The following PPARD variants were observed in gnomAD, a reference collection of about 807,000 sequenced individuals.
PPARD encodes the protein peroxisome proliferator-activated receptor delta.
In PPARD, 6 loss-of-function variants were observed where a neutral mutation model predicts 39.5. The ratio of observed to expected loss-of-function variants is 0.15; its 90% CI spans 0.08 to 0.30. PPARD has a LOEUF of 0.30. PPARD is among the 10% of genes least tolerant of loss of function. The pLI, the probability that PPARD is intolerant of heterozygous loss-of-function variation, is 1.00. For missense variants in PPARD, 397 were observed against 596.8 expected (o/e 0.67, Z 3.49); for synonymous variants, 210 against 231.3 (o/e 0.91, Z 0.83).
At position 35,352,386 on chromosome 6, in the gene PPARD, A is replaced by G. The variant is rs144800177; in HGVS notation, c.-102+5236A>G. The stretch of plus-strand genomic sequence containing the variant: ...TTTTTAGTAGAGATGGGGTTTCACC[A>G]TATTGGTCAGGCCGGTCTCGAACTC... On this transcript the variant is annotated intron_variant, in intron 2 of 7. Coordinates refer to ENST00000360694, the MANE Select transcript of PPARD (RefSeq NM_006238.5). 6.5e-4 allele frequency among the ~76,000 whole-genome samples: 99 copies of G among 151,594 alleles called. No homozygotes were observed. The East Asian group carries it at 0.015, about 23-fold the overall frequency.
intron 1 of PPARD, 35 bp from the exon 2 acceptor site, chr6:35,347,032 C>G: frequency 7.2e-7 from 1 of 1,383,932 alleles, no homozygotes; most frequent in Non-Finnish European, 9.8e-7. Context: ...TGGCACCTGT[C>G]AGCTAAAGCT....
rs71002557 is a variant in PPARD at position 35,380,476 on chromosome 6, G to GTTTTTTTTTTTTTTT, written c.-101-30495_-101-30481dup. Among the ~76,000 whole-genome samples, 211 of 67,132 alleles carry GTTTTTTTTTTTTTTT rather than the reference G, an allele frequency of 3.1e-3. 1 individual carries two copies. The highest frequency in any genetic ancestry group is 6.5e-3 in the East Asian group (12 of 1,850). The allele number at this position is 67,132 out of a possible 152,430, so 44.0% of individuals were successfully genotyped here. ...AACCTCGTGTTTTTTTTTTTTGTTT[G>GTTTTTTTTTTTTTTT]TTTTTTTTTTTTTTTTTTTTTTTTT... On this transcript the variant is annotated intron_variant, in intron 2 of 7. Coordinates refer to ENST00000360694, the MANE Select transcript of PPARD (RefSeq NM_006238.5).
chr6:35,426,226 C>A lies in PPARD; in HGVS notation c.*147C>A. 1 of 1,074,234 alleles carries A rather than the reference C, an allele frequency of 9.3e-7. No individual in the cohort carries two copies. Among genetic ancestry groups the A allele is most frequent in the Non-Finnish European group, 1.3e-6 (1 of 764,806 alleles). The allele number at this position is 1,074,234 out of a possible 1,614,324, so 66.5% of individuals were successfully genotyped here. Reference sequence around the variant, plus strand: ...GCCCTCAGACACATGACACCCACGGCCTCTGGCTCCCTGTGCCCTCTCTCC... The same window carrying A: ...GCCCTCAGACACATGACACCCACGGACTCTGGCTCCCTGTGCCCTCTCTCC... On this transcript the variant is annotated 3_prime_UTR_variant, in exon 8 of 8. Coordinates refer to ENST00000360694, the MANE Select transcript of PPARD (RefSeq NM_006238.5).
At chr6:35,419,982 G>A in intron 3 of PPARD, 145 bp from the exon 4 acceptor site, 6 of 929,764 alleles carry the variant, frequency 6.5e-6, no homozygotes, top group South Asian at 1.7e-5. Context: ...CCTGTTCTAG[G>A]TGAAGAAACT....
chr6:35,346,458 C>T (rs1792190806), intron 1 of PPARD, among the ~76,000 whole-genome samples: 1 of 152,158 alleles, frequency 6.6e-6, no homozygotes, highest in African/African-American at 2.4e-5. Flanking sequence ...ATGCCATGTC[C>T]CAGATTACCT....
chr6:35,370,231 T>C (rs1762409477), intron 2 of PPARD, among the ~76,000 whole-genome samples: 2 of 152,078 alleles, frequency 1.3e-5, no homozygotes, highest in South Asian at 4.1e-4. Flanking sequence ...AAGATGGTGG[T>C]GTGTGGGAGC....
chr6:35,389,979 A>G (rs1763916415), intron 2 of PPARD, among the ~76,000 whole-genome samples: 1 of 152,190 alleles, frequency 6.6e-6, no homozygotes, highest in African/African-American at 2.4e-5. Context: ...AATTAAGTCT[A>G]TACACCTTAG....
intron 2 of PPARD, among the ~76,000 whole-genome samples, chr6:35,364,940 A>G (rs1260450987): frequency 6.6e-6 from 1 of 150,472 alleles, no homozygotes. Flanking sequence ...CGATCTCCTG[A>G]CCTTGTGATC....
At position 35,425,767 on chromosome 6, in the gene PPARD, T is replaced by A; in HGVS notation, c.1079-65T>A. 6.3e-7 allele frequency: 1 copy of A among 1,585,266 alleles called. No homozygotes were observed. The highest frequency in any genetic ancestry group is 8.6e-7 in the Non-Finnish European group (1 of 1,166,918). ...CCGTCCCCTGGGCCAAGTCACCTCT[T>A]GGGGTGGAAGTAGGGGAGCTCCACT... On this transcript the variant is annotated intron_variant, in intron 7 of 7. Coordinates refer to ENST00000360694, the MANE Select transcript of PPARD (RefSeq NM_006238.5). The surrounding 1 kb of genome is among the most constrained non-coding windows in gnomAD (Gnocchi z 4.5).
chr6:35,347,199 G>C, intron 2 of PPARD, 49 bp downstream of exon 2: 1 of 1,529,538 alleles, frequency 6.5e-7, no homozygotes, highest in Non-Finnish European at 8.8e-7. Flanking sequence ...ACTGACACAG[G>C]ATCCAGATTT....
intron 2 of PPARD, among the ~76,000 whole-genome samples, chr6:35,392,755 G>A (rs1187960538): frequency 1.3e-5 from 2 of 152,134 alleles, no homozygotes; most frequent in Non-Finnish European, 2.9e-5. Context: ...CTCTAGAATG[G>A]CTCTTAGTGA....
intron 1 of PPARD, 72 bp from the exon 2 acceptor site, chr6:35,346,995 A>G: frequency 1.1e-6 from 1 of 926,250 alleles, no homozygotes; most frequent in Non-Finnish European, 1.6e-6. Context: ...GGTGGGTATA[A>G]CTTATTAGAG....
At chr6:35,417,543 C>G (rs924543451) in intron 3 of PPARD, among the ~76,000 whole-genome samples, 2 of 152,016 alleles carry the variant, frequency 1.3e-5, no homozygotes, top group African/African-American at 4.8e-5. Context: ...CAAAGTACTG[C>G]GATTACTGGC....
intron 3 of PPARD, 117 bp from the exon 4 acceptor site, chr6:35,420,010 A>C (rs576973161): frequency 8.0e-7 from 1 of 1,243,558 alleles, no homozygotes; most frequent in South Asian, 1.5e-5. Flanking sequence ...AGAAAGGTTG[A>C]CTCCCTGAGG....
chr6:35,348,280 A>G, intron 2 of PPARD: 1 of 895,360 alleles, frequency 1.1e-6, no homozygotes, highest in Non-Finnish European at 1.3e-6. Flanking sequence ...AACAGATCCA[A>G]TCTCTGCCTC....
intron 2 of PPARD, among the ~76,000 whole-genome samples, chr6:35,409,025 C>T (rs536992027): frequency 3.3e-5 from 5 of 152,146 alleles, no homozygotes; most frequent in African/African-American, 9.6e-5. Flanking sequence ...GTGAGGCTTC[C>T]TCAGTCACAA....
chr6:35,373,656 T>A (rs1447071699), intron 2 of PPARD, among the ~76,000 whole-genome samples: 1 of 138,022 alleles, frequency 7.2e-6, no homozygotes, highest in Non-Finnish European at 1.5e-5. Context: ...TTTCTTTCTT[T>A]CTTTGTTTCT....
At chr6:35,373,122 G>A (rs1478700548) in intron 2 of PPARD, among the ~76,000 whole-genome samples, 2 of 152,128 alleles carry the variant, frequency 1.3e-5, no homozygotes, top group Non-Finnish European at 2.9e-5. Context: ...GTTCCCTGGA[G>A]CCCTTTTATA....
In PPARD at chr6:35,425,303, A is replaced by AT. The variant is rs573955279; in HGVS notation, c.1078+525dup. On this transcript the variant is annotated intron_variant, in intron 7 of 7. Coordinates refer to ENST00000360694, the MANE Select transcript of PPARD (RefSeq NM_006238.5). The surrounding 1 kb of genome is among the most constrained non-coding windows in gnomAD (Gnocchi z 4.5). ...AAAAGGAAAAGGACTAACAGGCAGTATGCTGTCATGTTAATGTGGGGTGGA... is the reference window on the plus strand; with the variant it reads ...AAAAGGAAAAGGACTAACAGGCAGTATTGCTGTCATGTTAATGTGGGGTGGA... 408 of 1,006,190 alleles carry AT rather than the reference A, an allele frequency of 4.1e-4. 5 individuals are homozygous for AT. The highest frequency in any genetic ancestry group is 4.7e-4 in the Non-Finnish European group (399 of 841,758). 62.3% of individuals were successfully genotyped at this position (1,006,190 alleles called of 1,614,324 possible).
Sources: gnomAD v4.1 joint callset for allele counts (sites outside exome capture counted in the v4.1 genomes callset) on GRCh38, gnomAD v4.1.1 for gene constraint, Gnocchi (gnomAD v3.1) non-coding constraint, MANE v1.5 for transcripts, NCBI Gene and HGNC (gene_info 2026-07-23, HGNC 2026-07-21) for gene names.